The following NXN variants were observed in gnomAD, a reference collection of about 807,000 sequenced individuals.
NXN encodes the protein nucleoredoxin, also known as nucleoredoxin 1.
In NXN, 16 loss-of-function variants were observed where a neutral mutation model predicts 48.6. The ratio of observed to expected loss-of-function variants is 0.33; its 90% CI spans 0.22 to 0.50. NXN has a LOEUF of 0.50. Among genes scored for constraint, NXN ranks in the 20% least tolerant of loss-of-function variants. The probability of loss-of-function intolerance (pLI) is 0.98; values close to 1 mark genes in which losing one functional copy is unlikely to be tolerated. For synonymous variants in NXN, 281 were observed against 269.6 expected, an observed-to-expected ratio of 1.04 and a Z score of -0.41; for missense variants, 492 against 605.5, an observed-to-expected ratio of 0.81 and a Z score of 1.97.
intron 1 of NXN, among the ~76,000 whole-genome samples, chr17:835,048 C>T (rs1448503357): frequency 1.3e-5 from 2 of 151,704 alleles, no homozygotes; most frequent in Non-Finnish European, 2.9e-5. Context: ...GTGGCTCACG[C>T]CCGTAATCCC....
chr17:803,525 G>C (rs1337337921), intron 7 of NXN, among the ~76,000 whole-genome samples, 157 bp downstream of exon 7: 1 of 152,198 alleles, frequency 6.6e-6, no homozygotes, highest in Non-Finnish European at 1.5e-5. Flanking sequence ...CATGGCGAAT[G>C]GCTACCTTTC....
chr17:901,196 C>T (rs1439565278), intron 1 of NXN, among the ~76,000 whole-genome samples: 1 of 152,090 alleles, frequency 6.6e-6, no homozygotes, highest in Non-Finnish European at 1.5e-5. Flanking sequence ...GATGGGATTA[C>T]AGGCATGAGC....
chr17:911,490 G>T (rs2068636172), intron 1 of NXN, among the ~76,000 whole-genome samples: 1 of 151,544 alleles, frequency 6.6e-6, no homozygotes, highest in Non-Finnish European at 1.5e-5. Context: ...CAGACGCCCG[G>T]CTAATTTTTT....
At chr17:912,093 A>G (rs548901478) in intron 1 of NXN, among the ~76,000 whole-genome samples, 1 of 152,094 alleles carries the variant, frequency 6.6e-6, no homozygotes, top group African/African-American at 2.4e-5. Context: ...GCCCGCTACC[A>G]CGCACGGCTA....
At chr17:861,108 A>C (rs2068035787) in intron 1 of NXN, among the ~76,000 whole-genome samples, 1 of 151,998 alleles carries the variant, frequency 6.6e-6, no homozygotes, top group African/African-American at 2.4e-5. Context: ...TATCAACTCA[A>C]GATTTTAAAA....
chr17:809,052 G>A (rs116303493), intron 5 of NXN, among the ~76,000 whole-genome samples: 1 of 147,772 alleles, frequency 6.8e-6, no homozygotes, highest in African/African-American at 2.4e-5. Context: ...CTGGGAGCTT[G>A]CTCTAGTGAG....
chr17:856,487 C>CTTTTT (rs35579004), intron 1 of NXN, among the ~76,000 whole-genome samples: 4 of 121,098 alleles, frequency 3.3e-5, no homozygotes, highest in Admixed American at 8.6e-5. Context: ...AAGTACTTGT[C>CTTTTT]TTTTTTTTTT....
At chr17:885,323 C>G (rs1227290025) in intron 1 of NXN, among the ~76,000 whole-genome samples, 1 of 151,952 alleles carries the variant, frequency 6.6e-6, no homozygotes, top group Non-Finnish European at 1.5e-5. Context: ...ACTAAAAATA[C>G]AAAAATTAGC....
In NXN at chr17:958,002, C is replaced by G. The variant is rs1597276472; in HGVS notation, c.360+21317G>C. 6.6e-6 allele frequency among the ~76,000 whole-genome samples: 1 copy of G among 152,130 alleles called. No individual in the cohort carries two copies. Among genetic ancestry groups the G allele is most frequent in the South Asian group, 2.1e-4 (1 of 4,830 alleles). On this transcript the variant is annotated intron_variant, in intron 1 of 7. Transcript: ENST00000336868. The surrounding 1 kb of genome is among the most constrained non-coding windows in gnomAD (Gnocchi z 6.9). Reference sequence around the variant, plus strand: ...TGTTTCCACGGAGCACGGGCAGCCCCCATCACTCATCAGGTTCCAAACATG... The same window carrying G: ...TGTTTCCACGGAGCACGGGCAGCCCGCATCACTCATCAGGTTCCAAACATG...
At chr17:976,265 G>A (rs530607301) in intron 1 of NXN, among the ~76,000 whole-genome samples, 5 of 150,364 alleles carry the variant, frequency 3.3e-5, no homozygotes, top group African/African-American at 4.9e-5. Flanking sequence ...TAACATATAC[G>A]GTCATCCCCA....
At chr17:859,768 TG>T (rs1158700698) in intron 1 of NXN, among the ~76,000 whole-genome samples, 10 of 152,212 alleles carry the variant, frequency 6.6e-5, no homozygotes, top group African/African-American at 2.4e-4. Flanking sequence ...CTGAAAGGCC[TG>T]GCCCTCAGGC....
chr17:871,063 G>C (rs751598734), intron 1 of NXN, among the ~76,000 whole-genome samples: 18 of 151,816 alleles, frequency 1.2e-4, no homozygotes, highest in Non-Finnish European at 2.1e-4. Flanking sequence ...GGGTTTCACT[G>C]TGTTGGCCAG....
intron 1 of NXN, among the ~76,000 whole-genome samples, chr17:922,896 C>A (rs2068762504): frequency 6.6e-6 from 1 of 152,030 alleles, no homozygotes; most frequent in Admixed American, 6.6e-5. Flanking sequence ...CATGATCCAC[C>A]TGCCTTCGGC....
At chr17:814,982 T>C (rs1481261954) in intron 5 of NXN, among the ~76,000 whole-genome samples, 3 of 152,156 alleles carry the variant, frequency 2.0e-5, no homozygotes, top group African/African-American at 7.2e-5. Flanking sequence ...GCCAGGCTGA[T>C]CTCGAACTCC....
rs898269229 is a variant in NXN at position 920,792 on chromosome 17, G to A, written c.360+58527C>T. ...GGCTGGAGTGCAGTGGTGGGATCTCGGCTCGCTGCAACCTCTGCCTCCCGG... is the reference window on the plus strand; with the variant it reads ...GGCTGGAGTGCAGTGGTGGGATCTCAGCTCGCTGCAACCTCTGCCTCCCGG... On this transcript the variant is annotated intron_variant, in intron 1 of 7. Coordinates refer to ENST00000336868, the MANE Select transcript of NXN (RefSeq NM_022463.5). This position sits in a 1 kb window ranked among gnomAD's most constrained non-coding sequence, Gnocchi z 4.6. Among the ~76,000 whole-genome samples the A allele has an allele frequency of 3.3e-5, 5 of 150,370 alleles. No individual in the cohort carries two copies. Among genetic ancestry groups the A allele is most frequent in the Admixed American group, 6.7e-5 (1 of 15,036 alleles).
intron 5 of NXN, among the ~76,000 whole-genome samples, chr17:816,323 C>T (rs1567815019): frequency 6.9e-6 from 1 of 145,354 alleles, no homozygotes; most frequent in African/African-American, 2.6e-5. Context: ...GCTTACAGCC[C>T]CCCAGACCTT....
intron 1 of NXN, among the ~76,000 whole-genome samples, chr17:973,167 G>C (rs968686505): frequency 6.6e-5 from 10 of 152,220 alleles, no homozygotes; most frequent in African/African-American, 2.4e-4. Flanking sequence ...CTCAGAGGCA[G>C]GCCTGAGCTG....
At chr17:915,384 G>C (rs533071563) in intron 1 of NXN, among the ~76,000 whole-genome samples, 2 of 152,054 alleles carry the variant, frequency 1.3e-5, no homozygotes, top group South Asian at 4.2e-4. Context: ...CCTGGGCTCA[G>C]ACAATCCTCC....
At chr17:876,241 A>G (rs2068213881) in intron 1 of NXN, among the ~76,000 whole-genome samples, 1 of 150,740 alleles carries the variant, frequency 6.6e-6, no homozygotes, top group African/African-American at 2.5e-5. Context: ...AGAAAGGAGA[A>G]GAGAAGAGAA....
Sources: allele counts gnomAD v4.1 joint callset (sites outside exome capture counted in the v4.1 genomes callset), GRCh38; gene constraint gnomAD v4.1.1; non-coding constraint Gnocchi (gnomAD v3.1); transcripts MANE v1.5; gene names NCBI Gene and HGNC (gene_info 2026-07-23, HGNC 2026-07-21).